FHOD3: variants seen among roughly 807,000 people sequenced by gnomAD.
FHOD3 encodes the protein formin homology 2 domain containing 3.
FHOD3 carries 90 observed loss-of-function variants against 173.0 expected under a neutral mutation model. The ratio of observed to expected loss-of-function variants is 0.52; its 90% CI spans 0.44 to 0.62. FHOD3 has a LOEUF of 0.62. Among genes scored for constraint, FHOD3 ranks in the 20% least tolerant of loss-of-function variants. The probability of loss-of-function intolerance (pLI) is 0.00; values close to 1 mark genes in which losing one functional copy is unlikely to be tolerated. For missense variants in FHOD3, 1,945 were observed against 2,034.7 expected (o/e 0.96, Z 0.85); for synonymous variants, 828 against 823.0 (o/e 1.01, Z -0.10).
intron 5 of FHOD3, among the ~76,000 whole-genome samples, chr18:36,558,108 A>C (rs2057959425): frequency 6.6e-6 from 1 of 152,106 alleles, no homozygotes; most frequent in South Asian, 2.1e-4. Flanking sequence ...TGCACTGATT[A>C]ATACTCTGTT....
chr18:36,581,193 C>T (rs1031377121), intron 6 of FHOD3, among the ~76,000 whole-genome samples: 1 of 152,258 alleles, frequency 6.6e-6, no homozygotes, highest in Admixed American at 6.5e-5. Flanking sequence ...AATCTTTAAA[C>T]TCTCCAGTCA....
chr18:36,377,639 T>C (rs911188676), intron 3 of FHOD3, among the ~76,000 whole-genome samples: 6 of 152,188 alleles, frequency 3.9e-5, no homozygotes, highest in African/African-American at 1.2e-4. Flanking sequence ...GCCTGAATGG[T>C]GATGCGTGTG....
chr18:36,624,566 T>G (rs577580051), intron 9 of FHOD3, among the ~76,000 whole-genome samples: 1 of 151,784 alleles, frequency 6.6e-6, no homozygotes, highest in East Asian at 1.9e-4. Flanking sequence ...GGACAGTTAG[T>G]TTTAATGGGA....
At chr18:36,681,711 C>A in intron 15 of FHOD3, 141 bp downstream of exon 15, 2 of 1,064,700 alleles carry the variant, frequency 1.9e-6, no homozygotes, top group Non-Finnish European at 2.7e-6. Flanking sequence ...GAAAGACATA[C>A]CTGAAATAGG....
intron 17 of FHOD3, among the ~76,000 whole-genome samples, chr18:36,698,215 C>T (rs755025934): frequency 6.6e-6 from 1 of 152,208 alleles, no homozygotes; most frequent in Admixed American, 6.5e-5. Flanking sequence ...CAAAATCTTT[C>T]AGCAACTCTA....
chr18:36,683,980 C>T (rs1300090014), intron 15 of FHOD3, among the ~76,000 whole-genome samples: 2 of 152,146 alleles, frequency 1.3e-5, no homozygotes, highest in African/African-American at 4.8e-5. Context: ...ACCCAAGGAG[C>T]CAGAAAGTGT....
intron 5 of FHOD3, among the ~76,000 whole-genome samples, chr18:36,557,048 C>CT (rs967971360): frequency 2.0e-5 from 3 of 152,006 alleles, no homozygotes; most frequent in African/African-American, 7.2e-5. Flanking sequence ...ATTCTTATAT[C>CT]TTTTTGTTTT....
chr18:36,760,813 T>A, intron 27 of FHOD3, 31 bp downstream of exon 27: 1 of 1,578,342 alleles, frequency 6.3e-7, no homozygotes. Flanking sequence ...GCTCGTCTTG[T>A]CTTCTCAGGT....
chr18:36,631,905 T>C (rs530956338), intron 10 of FHOD3, among the ~76,000 whole-genome samples: 1 of 152,346 alleles, frequency 6.6e-6, no homozygotes, highest in East Asian at 1.9e-4. Context: ...CATTAAAAAT[T>C]ATTGCTTAAT....
intron 19 of FHOD3, among the ~76,000 whole-genome samples, chr18:36,718,944 A>G (rs1387617851): frequency 6.6e-6 from 1 of 152,208 alleles, no homozygotes; most frequent in Admixed American, 6.5e-5. Flanking sequence ...ATATTAGGCA[A>G]AGGAGCTTTC....
intron 5 of FHOD3, among the ~76,000 whole-genome samples, chr18:36,566,703 G>A (rs1427168789): frequency 1.3e-5 from 2 of 152,168 alleles, no homozygotes; most frequent in East Asian, 3.9e-4. Context: ...TATTGTCCAG[G>A]AGAGATCATG....
At chr18:36,445,897 G>A (rs542555890) in intron 3 of FHOD3, among the ~76,000 whole-genome samples, 3 of 152,190 alleles carry the variant, frequency 2.0e-5, no homozygotes, top group Admixed American at 6.5e-5. Context: ...TGAAGCGGAA[G>A]TTGCCATTTT....
At chr18:36,699,639 T>G (rs2039470400) in intron 17 of FHOD3, among the ~76,000 whole-genome samples, 1 of 152,100 alleles carries the variant, frequency 6.6e-6, no homozygotes, top group Admixed American at 6.6e-5. Flanking sequence ...TCTCCACCAC[T>G]CCCCCTTTCC....
At position 36,355,744 on chromosome 18, in the gene FHOD3, G is replaced by GTCA. The variant is rs2046329125; in HGVS notation, c.272+99_272+100insTCA. On this transcript the variant is annotated intron_variant, in intron 2 of 28. Transcript: ENST00000590592. ...ATTTAGGAGGAACTACCATGGCTTTGACCTTCTCTTAATTCTCAATCACAC... is the reference window on the plus strand; with the variant it reads ...ATTTAGGAGGAACTACCATGGCTTTGTCAACCTTCTCTTAATTCTCAATCACAC... The GTCA allele has an allele frequency of 5.3e-6, 5 of 938,972 alleles. No homozygotes were observed. In the South Asian group the frequency reaches 7.7e-5, roughly 14 times the overall value. The allele number at this position is 938,972 out of a possible 1,614,324, so 58.2% of individuals were successfully genotyped here. A position where few individuals can be genotyped will look rare whatever the true frequency, so the allele number is the denominator to read the frequency against.
chr18:36,316,217 A>G (rs2044112876), intron 1 of FHOD3, among the ~76,000 whole-genome samples: 1 of 152,012 alleles, frequency 6.6e-6, no homozygotes, highest in Non-Finnish European at 1.5e-5. Flanking sequence ...CAAAGTCTAA[A>G]CAGTTTAAAT....
intron 3 of FHOD3, among the ~76,000 whole-genome samples, chr18:36,385,184 C>A (rs967211977): frequency 1.3e-5 from 2 of 152,102 alleles, no homozygotes. Context: ...CCAAGTAACG[C>A]CCAATTAATG....
At chr18:36,324,210 C>T (rs2044548486) in intron 1 of FHOD3, among the ~76,000 whole-genome samples, 1 of 152,132 alleles carries the variant, frequency 6.6e-6, no homozygotes, top group African/African-American at 2.4e-5. Context: ...CCTTATGTTG[C>T]AGTATGTACA....
intron 5 of FHOD3, among the ~76,000 whole-genome samples, chr18:36,574,682 A>G (rs561927229): frequency 6.6e-6 from 1 of 152,214 alleles, no homozygotes; most frequent in Non-Finnish European, 1.5e-5. Context: ...ATGTATTTCC[A>G]ACAATTTTGT....
At chr18:36,537,153 C>T (rs1323073168) in intron 5 of FHOD3, among the ~76,000 whole-genome samples, 1 of 152,140 alleles carries the variant, frequency 6.6e-6, no homozygotes, top group Middle Eastern at 3.2e-3. Flanking sequence ...GGCCTGTCTC[C>T]ACTCCAAACA....
Sources: gnomAD v4.1 joint callset for allele counts (sites outside exome capture counted in the v4.1 genomes callset) on GRCh38, gnomAD v4.1.1 for gene constraint, MANE v1.5 for transcripts, NCBI Gene and HGNC (gene_info 2026-07-23, HGNC 2026-07-21) for gene names.